Variants in FCRL5 observed in about 807,000 individuals in gnomAD.
FCRL5 encodes Fc receptor-like protein 5.
FCRL5 carries 79 observed loss-of-function variants against 92.1 expected under a neutral mutation model. That is an observed-to-expected ratio of 0.86 (90% CI 0.72 to 1.03). The LOEUF is 1.03. FCRL5 is among the 50% of genes least tolerant of loss of function. The pLI is 0.00. For synonymous variants in FCRL5, 466 were observed against 469.3 expected, an observed-to-expected ratio of 0.99 and a Z score of 0.09; for missense variants, 1,160 against 1,181.1, an observed-to-expected ratio of 0.98 and a Z score of 0.26.
At chr1:157,519,670 C>T in intron 13 of FCRL5, 73 bp downstream of exon 13, 2 of 1,509,658 alleles carry the variant, frequency 1.3e-6, no homozygotes, top group Non-Finnish European at 1.8e-6. Context: ...TCTTGGTAAT[C>T]ATCAGATTCA....
At chr1:157,532,322 A>G (rs1650737551) in intron 8 of FCRL5, 1 of 152,080 alleles carries the variant, frequency 6.6e-6, no homozygotes, top group Non-Finnish European at 1.5e-5. Context: ...TTGGTTTTCC[A>G]TGGAATTTTA....
At position 157,514,324 on chromosome 1, in the gene FCRL5, A is replaced by T. The variant is rs544724891; in HGVS notation, c.*1351T>A. The T allele has an allele frequency of 6.6e-6, 1 of 152,364 alleles. No individual in the cohort carries two copies. Among genetic ancestry groups the T allele is most frequent in the African/African-American group, 2.4e-5 (1 of 41,584 alleles). The allele number at this position is 152,364 out of a possible 1,614,324, so 9.4% of individuals were successfully genotyped here. On this transcript the variant is annotated 3_prime_UTR_variant, in exon 17 of 17. Coordinates refer to ENST00000361835, the MANE Select transcript of FCRL5 (RefSeq NM_031281.3). Reference sequence around the variant, plus strand: ...TGAATGGAGAGGGCTCAGGTTATATACATTCACCCTTTTCATGGGAAAGTG... The same window carrying T: ...TGAATGGAGAGGGCTCAGGTTATATTCATTCACCCTTTTCATGGGAAAGTG...
At chr1:157,535,499 G>A (rs1650928202) in intron 7 of FCRL5, among the ~76,000 whole-genome samples, 1 of 152,182 alleles carries the variant, frequency 6.6e-6, no homozygotes, top group Non-Finnish European at 1.5e-5. Flanking sequence ...TCTGGAAGAA[G>A]TGACCTACAT....
rs1455051846 is a variant in FCRL5 at position 157,515,052 on chromosome 1, A to T, written c.*623T>A. ...AAGCCACTTACTTGGGCAGGTAGAC[A>T]CTGACACATGAGCAGGAGAGAAGTT... On this transcript the variant is annotated 3_prime_UTR_variant, in exon 17 of 17. Coordinates refer to ENST00000361835, the MANE Select transcript of FCRL5 (RefSeq NM_031281.3). The T allele has an allele frequency of 1.3e-5, 2 of 157,644 alleles. No homozygotes were observed. Among genetic ancestry groups the T allele is most frequent in the Non-Finnish European group, 2.8e-5 (2 of 71,002 alleles). 9.8% of individuals were successfully genotyped at this position (157,644 alleles called of 1,614,324 possible).
At chr1:157,518,858 C>A in intron 13 of FCRL5, 76 bp from the exon 14 acceptor site, 2 of 1,191,758 alleles carry the variant, frequency 1.7e-6, no homozygotes, top group Non-Finnish European at 1.2e-6. Context: ...TAGTGAGTGA[C>A]TTCTTACTGC....
intron 9 of FCRL5, 30 bp downstream of exon 9, chr1:157,527,581 CTTTTTA>C: frequency 6.5e-7 from 1 of 1,536,422 alleles, no homozygotes; most frequent in African/African-American, 1.4e-5. Flanking sequence ...GGGAGATGGT[CTTTTTA>C]TTTTTGTGCT....
intron 10 of FCRL5, among the ~76,000 whole-genome samples, chr1:157,523,460 C>T (rs1019038207): frequency 3.9e-5 from 6 of 152,176 alleles, no homozygotes; most frequent in Non-Finnish European, 8.8e-5. Flanking sequence ...GGAAGAGGTG[C>T]TTGGCCAATG....
chr1:157,516,386 T>C (rs966000208), intron 15 of FCRL5, among the ~76,000 whole-genome samples: 59 of 152,256 alleles, frequency 3.9e-4, no homozygotes, highest in African/African-American at 1.4e-3. Context: ...TATATGAGTT[T>C]ACACATATGT....
intron 7 of FCRL5, among the ~76,000 whole-genome samples, chr1:157,538,733 T>G (rs1365424129): frequency 6.6e-6 from 1 of 152,196 alleles, no homozygotes; most frequent in Non-Finnish European, 1.5e-5. Flanking sequence ...TCCTGAGAAC[T>G]GAGTCTGAGT....
chr1:157,532,836 G>A (rs536089335), intron 8 of FCRL5: 22 of 151,988 alleles, frequency 1.4e-4, no homozygotes, highest in Non-Finnish European at 2.6e-4. Context: ...GTCATAATGC[G>A]GTTTCCTCAT....
At chr1:157,516,881 C>A (rs1359063351) in intron 15 of FCRL5, among the ~76,000 whole-genome samples, 1 of 152,164 alleles carries the variant, frequency 6.6e-6, no homozygotes, top group Non-Finnish European at 1.5e-5. Flanking sequence ...GCCTTGGTTT[C>A]CTCATCTGTA....
intron 14 of FCRL5, 62 bp from the exon 15 acceptor site, chr1:157,518,559 C>G: frequency 6.6e-7 from 1 of 1,505,302 alleles, no homozygotes; most frequent in Non-Finnish European, 9.2e-7. Flanking sequence ...AGAGATACTT[C>G]CTCCTCCCCC....
intron 5 of FCRL5, 53 bp downstream of exon 5, chr1:157,544,209 T>C (rs1369488679): frequency 6.3e-7 from 1 of 1,594,478 alleles, no homozygotes; most frequent in Non-Finnish European, 8.6e-7. Context: ...TGCAGCCCTG[T>C]CCCACTTTTC....
At chr1:157,529,526 G>A (rs1650591678) in intron 8 of FCRL5, among the ~76,000 whole-genome samples, 1 of 152,118 alleles carries the variant, frequency 6.6e-6, no homozygotes, top group Non-Finnish European at 1.5e-5. Context: ...ACTCATGATT[G>A]CAAAACTATG....
At position 157,527,880 on chromosome 1, in the gene FCRL5, G is replaced by T. The variant is rs1650508623; in HGVS notation, c.1697C>A (p.Pro566His). 6.3e-7 allele frequency: 1 copy of T among 1,583,378 alleles called. No homozygotes were observed. Residue 566 changes from proline (P) to histidine (H), a missense_variant, in exon 9 of 17, where the codon CCC becomes CAC. By Grantham distance (77) the Pro-to-His change is moderately conservative. Transcript: ENST00000361835. ...SLFVTVPVSR[P>H]ILTLRVPRAQ... Reference sequence around the variant, plus strand: ...CCTGGGAACCCTGAGGGTGAGGATGGGGCGAGACACTGGAACTGAGAGAGA... The same window carrying T: ...CCTGGGAACCCTGAGGGTGAGGATGTGGCGAGACACTGGAACTGAGAGAGA...
intron 7 of FCRL5, among the ~76,000 whole-genome samples, chr1:157,538,355 A>G (rs1651073929): frequency 6.6e-6 from 1 of 152,226 alleles, no homozygotes; most frequent in South Asian, 2.1e-4. Context: ...TGTCTCCAGT[A>G]TAGGCCCAAA....
chr1:157,540,844 G>C (rs1466106171), intron 6 of FCRL5, among the ~76,000 whole-genome samples: 2 of 152,080 alleles, frequency 1.3e-5, no homozygotes, highest in Non-Finnish European at 2.9e-5. Flanking sequence ...TATATTTGTT[G>C]GATGTAATTT....
intron 2 of FCRL5, 36 bp downstream of exon 2, chr1:157,549,524 C>T (rs764231936): frequency 1.9e-6 from 3 of 1,600,546 alleles, no homozygotes; most frequent in Non-Finnish European, 8.5e-7. Flanking sequence ...CACTCTTAAC[C>T]AGAGACGCTG....
chr1:157,548,130 G>C (rs565837020), intron 2 of FCRL5, among the ~76,000 whole-genome samples: 11 of 152,250 alleles, frequency 7.2e-5, no homozygotes, highest in Non-Finnish European at 1.6e-4. Context: ...AATGGGGTCT[G>C]TTGGCAATAA....
Sources: allele counts gnomAD v4.1 joint callset (sites outside exome capture counted in the v4.1 genomes callset), GRCh38; gene constraint gnomAD v4.1.1; transcripts MANE v1.5; gene names NCBI Gene and HGNC (gene_info 2026-07-23, HGNC 2026-07-21).